The following DEF8 variants were observed in gnomAD, a reference collection of about 807,000 sequenced individuals.
DEF8 encodes the protein DEF-8.
DEF8 carries 38 observed loss-of-function variants against 59.1 expected under a neutral mutation model. That is an observed-to-expected ratio of 0.64 (90% confidence interval 0.50 to 0.84). The LOEUF (loss-of-function observed/expected upper bound fraction) is 0.84, where lower values mean the gene tolerates loss of function less well. Ranked by LOEUF, DEF8 falls within the 40% of genes least tolerant of loss-of-function variation. The pLI is 0.00. For synonymous variants in DEF8, 265 were observed against 250.1 expected, an observed-to-expected ratio of 1.06 and a Z score of -0.56; for missense variants, 557 against 615.2, an observed-to-expected ratio of 0.91 and a Z score of 1.00.
intron 2 of DEF8, among the ~76,000 whole-genome samples, chr16:89,951,532 A>G (rs1438182120): frequency 6.6e-6 from 1 of 152,196 alleles, no homozygotes. Flanking sequence ...GGCGTGAGCC[A>G]CCGAGCTGGG....
rs1304611394 is a variant in DEF8 at position 89,949,437 on chromosome 16, A to C, written c.-87A>C. On this transcript the variant is annotated 5_prime_UTR_variant, in exon 2 of 13. Coordinates refer to ENST00000563594, the MANE Select transcript of DEF8 (RefSeq NM_001242818.2). ...TGCAGCAGGTGCCGAACCCACGGCC[A>C]GGCTTCCGTGGCCAGCAGCCCTAGA... The C allele has an allele frequency of 6.2e-7, 1 of 1,607,938 alleles. No individual in the cohort carries two copies. The highest frequency in any genetic ancestry group is 1.7e-5 in the Admixed American group (1 of 59,268).
intron 2 of DEF8, among the ~76,000 whole-genome samples, chr16:89,951,705 C>G (rs1359157111): frequency 6.6e-6 from 1 of 152,158 alleles, no homozygotes; most frequent in Non-Finnish European, 1.5e-5. Flanking sequence ...TGTGGCTATT[C>G]CAGCTGCAGC....
chr16:89,964,099 C>T (rs547199473), intron 10 of DEF8, 71 bp from the exon 11 acceptor site: 9 of 1,603,166 alleles, frequency 5.6e-6, no homozygotes, highest in African/African-American at 1.3e-5. Context: ...CTGACCACTG[C>T]AGCGACCATG....
chr16:89,950,396 T>C, intron 2 of DEF8: 16 of 972,294 alleles, frequency 1.6e-5, no homozygotes, highest in Non-Finnish European at 1.8e-5. Context: ...GCTGATTTTT[T>C]TTTTTTTTTT....
Position 89,951,403 on chromosome 16 carries a change from C to G in DEF8, c.-11+1890C>G, listed in dbSNP as rs541396083. 1.1e-4 allele frequency among the ~76,000 whole-genome samples: 17 copies of G among 152,206 alleles called. 1 individual carries two copies. The highest frequency in any genetic ancestry group is 3.4e-3 in the Middle Eastern group (1 of 294). On this transcript the variant is annotated intron_variant, in intron 2 of 12. Transcript: ENST00000563594. Reference sequence around the variant, plus strand: ...GGGATTACAGATGCCCACCACCACGCCCGGCTAATTTTTGTATTTTTGGTA... The same window carrying G: ...GGGATTACAGATGCCCACCACCACGGCCGGCTAATTTTTGTATTTTTGGTA...
chr16:89,951,940 C>T (rs895787139), intron 2 of DEF8, among the ~76,000 whole-genome samples: 2 of 150,566 alleles, frequency 1.3e-5, no homozygotes, highest in Admixed American at 1.3e-4. Context: ...TGCAGTGGTG[C>T]GTTCTCGGCT....
At chr16:89,951,603 G>A (rs115465063) in intron 2 of DEF8, among the ~76,000 whole-genome samples, 1,762 of 152,194 alleles carry the variant, frequency 0.012, 36 homozygotes, top group African/African-American at 0.04. Flanking sequence ...AACACTGGTG[G>A]GAATATCGTA....
chr16:89,964,113 G>A lies in DEF8; in HGVS notation c.1003-57G>A, dbSNP rs2034378986. 6 of 1,611,380 alleles carry A rather than the reference G, an allele frequency of 3.7e-6. No homozygotes were observed. The African/African-American group carries it at 6.7e-5, about 18-fold the overall frequency. ...CCTGACCACTGCAGCGACCATGGGT[G>A]GGCGGTGGGAGGGGCCCTCCCCGGT... On this transcript the variant is annotated intron_variant, in intron 10 of 12. Coordinates refer to ENST00000563594, the MANE Select transcript of DEF8 (RefSeq NM_001242818.2).
Position 89,954,846 on chromosome 16 carries a change from T to C in DEF8, c.125-323T>C, listed in dbSNP as rs1283923341. Among the ~76,000 whole-genome samples, 1 of 152,180 alleles carries C rather than the reference T, an allele frequency of 6.6e-6. No individual in the cohort carries two copies. Among genetic ancestry groups the C allele is most frequent in the Non-Finnish European group, 1.5e-5 (1 of 68,034 alleles). On this transcript the variant is annotated intron_variant, in intron 3 of 12. Transcript: ENST00000563594. This position sits in a 1 kb window ranked among gnomAD's most constrained non-coding sequence, Gnocchi z 4.3. ...CTGTGTAGCCATGCAGTGGTTTTTC[T>C]CTCGCCCCCGTGGTCACGCATGAGG...
In DEF8 at chr16:89,966,059, G is replaced by A. The variant is rs2034584427; in HGVS notation, c.*96G>A. The A allele has an allele frequency of 7.5e-6, 7 of 933,442 alleles. No homozygotes were observed. Among genetic ancestry groups the A allele is most frequent in the South Asian group, 3.1e-5 (2 of 64,330 alleles). 57.8% of individuals were successfully genotyped at this position (933,442 alleles called of 1,614,324 possible). A position where few individuals can be genotyped will look rare whatever the true frequency, so the allele number is the denominator to read the frequency against. ...TCTGCTCCGGAGACCCCTGGGGTGC[G>A]GCCCTGGCCCCCTCCACCCCTGCTG... On this transcript the variant is annotated 3_prime_UTR_variant, in exon 13 of 13. Coordinates refer to ENST00000563594, the MANE Select transcript of DEF8 (RefSeq NM_001242818.2).
chr16:89,950,222 C>A, intron 2 of DEF8: 1 of 986,118 alleles, frequency 1.0e-6, no homozygotes, highest in Non-Finnish European at 1.2e-6. Flanking sequence ...TTTTCCTGGG[C>A]TGGTCACCAT....
chr16:89,952,671 C>T (rs2032390079), intron 2 of DEF8: 1 of 152,366 alleles, frequency 6.6e-6, no homozygotes, highest in African/African-American at 2.4e-5. Flanking sequence ...GTGACCCACC[C>T]ACAGTCATCA....
intron 12 of DEF8, among the ~76,000 whole-genome samples, chr16:89,964,888 C>T (rs1369223153): frequency 6.6e-6 from 1 of 152,218 alleles, no homozygotes; most frequent in African/African-American, 2.4e-5. Flanking sequence ...ATCCCAGCTG[C>T]TCCCTTTCTC....
At chr16:89,952,684 T>C (rs371227406) in intron 2 of DEF8, 12 of 152,346 alleles carry the variant, frequency 7.9e-5, no homozygotes, top group African/African-American at 2.4e-4. Context: ...AGTCATCAGG[T>C]AATAAGAGAA....
intron 4 of DEF8, among the ~76,000 whole-genome samples, chr16:89,956,260 G>T (rs548292724): frequency 2.6e-5 from 4 of 151,682 alleles, no homozygotes; most frequent in African/African-American, 9.7e-5. Flanking sequence ...TTCGAGACCA[G>T]CCTGACCAAC....
Position 89,966,316 on chromosome 16 carries a change from T to G in DEF8, c.*353T>G. The G allele has an allele frequency of 5.3e-6, 1 of 190,196 alleles. No homozygotes were observed. Among genetic ancestry groups the G allele is most frequent in the Non-Finnish European group, 1.1e-5 (1 of 89,984 alleles). The allele number at this position is 190,196 out of a possible 1,614,324, so 11.8% of individuals were successfully genotyped here. A position where few individuals can be genotyped will look rare whatever the true frequency, so the allele number is the denominator to read the frequency against. On this transcript the variant is annotated 3_prime_UTR_variant, in exon 13 of 13. Transcript: ENST00000563594. ...GACCAGGGCATCCGGGCCCTAGAAA[T>G]TCCACAGCTCCCGTCCTGGCCACCC...
intron 9 of DEF8, among the ~76,000 whole-genome samples, chr16:89,962,989 A>G (rs527512076): frequency 2.0e-5 from 3 of 152,230 alleles, no homozygotes; most frequent in Admixed American, 6.5e-5. Flanking sequence ...TAGTGAAAGG[A>G]GGCAGGTCCC....
At chr16:89,952,260 A>G (rs866568594) in intron 2 of DEF8, among the ~76,000 whole-genome samples, 1 of 152,108 alleles carries the variant, frequency 6.6e-6, no homozygotes, top group South Asian at 2.1e-4. Flanking sequence ...GGCCTTCCAG[A>G]GTGCTGGGAT....
intron 6 of DEF8, chr16:89,959,465 G>A (rs375830820): frequency 1.9e-5 from 14 of 750,400 alleles, no homozygotes; most frequent in South Asian, 1.3e-4. Context: ...AAGGCATCAC[G>A]TGACTTTGTT....
Sources: gnomAD v4.1 joint callset for allele counts (sites outside exome capture counted in the v4.1 genomes callset) on GRCh38, gnomAD v4.1.1 for gene constraint, Gnocchi (gnomAD v3.1) non-coding constraint, MANE v1.5 for transcripts, NCBI Gene and HGNC (gene_info 2026-07-23, HGNC 2026-07-21) for gene names.